Variants in EPPIN observed in about 807,000 individuals in gnomAD.
The protein encoded by EPPIN is WAP four-disulfide core domain protein 7.
Under a neutral mutation model 18.8 loss-of-function variants are expected in EPPIN, and 14 were observed. That is an observed-to-expected ratio of 0.75 (90% confidence interval 0.49 to 1.17). The LOEUF (loss-of-function observed/expected upper bound fraction) is 1.17, where lower values mean the gene tolerates loss of function less well. Among genes scored for constraint, EPPIN ranks in the 50% most tolerant of loss-of-function variants. EPPIN has a pLI of 0.00. For synonymous variants in EPPIN, 57 were observed against 54.8 expected (o/e 1.04, Z -0.18); for missense variants, 143 against 154.2 (o/e 0.93, Z 0.39).
At chr20:45,546,718 T>G (rs1472080513) in intron 1 of EPPIN, among the ~76,000 whole-genome samples, 2 of 152,220 alleles carry the variant, frequency 1.3e-5, no homozygotes, top group Non-Finnish European at 2.9e-5. Flanking sequence ...CAGAAATCCT[T>G]ACTTCCTGAG....
In EPPIN at chr20:45,542,843, G is replaced by T; in HGVS notation, c.248C>A (p.Thr83Asn). The change falls in exon 3 of 4, where the codon ACT (threonine) becomes AAT (asparagine). Residue 83 changes from threonine to asparagine, a missense_variant. Transcript: ENST00000354280. ...KQDVCEMPKE[T>N]GPCLAYFLHW... ...AAGAAAATAAGCCAGGCAGGGGCCA[G>T]TTTCTTTTGGCATTTCGCATACATC... 1.2e-6 allele frequency: 2 copies of T among 1,613,430 alleles called. No homozygotes were observed. Among genetic ancestry groups the T allele is most frequent in the South Asian group, 2.2e-5 (2 of 90,958 alleles).
At position 45,541,994 on chromosome 20, in the gene EPPIN, T is replaced by C; in HGVS notation, c.*150A>G. On this transcript the variant is annotated 3_prime_UTR_variant, in exon 4 of 4. Coordinates refer to ENST00000354280, the MANE Select transcript of EPPIN (RefSeq NM_020398.4). The stretch of plus-strand genomic sequence containing the variant: ...GAGCCAAAGATGGAGGAAGAGGAGG[T>C]AGATGCAAGCGTTCTGTTCTGGGAA... The C allele has an allele frequency of 1.3e-6, 1 of 798,536 alleles. No individual in the cohort carries two copies. Among genetic ancestry groups the C allele is most frequent in the Non-Finnish European group, 1.9e-6 (1 of 524,180 alleles). 49.5% of individuals were successfully genotyped at this position (798,536 alleles called of 1,614,324 possible). A position where few individuals can be genotyped will look rare whatever the true frequency, so the allele number is the denominator to read the frequency against.
rs1314862823 is a variant in EPPIN, at chr20:45,547,002, G to A, written c.91+265C>T. Among the ~76,000 whole-genome samples, 4 of 152,070 alleles carry A rather than the reference G, an allele frequency of 2.6e-5. No individual in the cohort carries two copies. The East Asian group carries it at 5.8e-4, about 22-fold the overall frequency. On this transcript the variant is annotated intron_variant, in intron 1 of 3. Transcript: ENST00000354280. ...GATTCCTGTAGCGACTCCCCTGAAA[G>A]CTAGATCCTGTGACTCTCCTCCACC...
At chr20:45,546,099 C>G in intron 1 of EPPIN, 1 of 408,014 alleles carries the variant, frequency 2.5e-6, no homozygotes, top group Non-Finnish European at 4.3e-6. Flanking sequence ...CATCCCAGGC[C>G]TCTTCCCATC....
rs778345231 is a variant in EPPIN, at chr20:45,542,825, T to C, written c.266A>G (p.Tyr89Cys). The change falls in exon 3 of 4, where the codon TAT becomes TGT. Residue 89 changes from tyrosine (Y) to cysteine (C), a missense_variant. Coordinates refer to ENST00000354280, the MANE Select transcript of EPPIN (RefSeq NM_020398.4). ...MPKETGPCLA[Y>C]FLHWWYDKKD... Reference sequence around the variant, plus strand: ...CTTGTCATACCACCAATGAAGAAAATAAGCCAGGCAGGGGCCAGTTTCTTT... The same window carrying C: ...CTTGTCATACCACCAATGAAGAAAACAAGCCAGGCAGGGGCCAGTTTCTTT... The C allele has an allele frequency of 3.1e-6, 5 of 1,613,672 alleles. No homozygotes were observed. The highest frequency in any genetic ancestry group is 1.7e-5 in the Admixed American group (1 of 59,962).
At chr20:45,543,427 T>C (rs964553048) in intron 2 of EPPIN, 2 of 152,358 alleles carry the variant, frequency 1.3e-5, no homozygotes, top group African/African-American at 4.8e-5. Context: ...TGCTTTGTTA[T>C]AGCAACTCTA....
intron 3 of EPPIN, 115 bp downstream of exon 3, chr20:45,542,585 T>C: frequency 6.8e-7 from 1 of 1,463,824 alleles, no homozygotes; most frequent in Non-Finnish European, 9.2e-7. Flanking sequence ...TCAGAGCTGG[T>C]TCTGTCAGCA....
chr20:45,541,293 A>G lies in EPPIN; in HGVS notation c.*851T>C, dbSNP rs1362967615. 1 of 152,172 alleles carries G rather than the reference A, an allele frequency of 6.6e-6. No homozygotes were observed. Among genetic ancestry groups the G allele is most frequent in the Non-Finnish European group, 1.5e-5 (1 of 68,048 alleles). 9.4% of individuals were successfully genotyped at this position (152,172 alleles called of 1,614,324 possible). On this transcript the variant is annotated 3_prime_UTR_variant, in exon 4 of 4. Transcript: ENST00000354280. ...ATAGCTAATGCATGCGGGGCTTAATACCCAGGTAATGGGTTGATAGGTGCA... is the reference window on the plus strand; with the variant it reads ...ATAGCTAATGCATGCGGGGCTTAATGCCCAGGTAATGGGTTGATAGGTGCA...
chr20:45,547,221 A>G, intron 1 of EPPIN, 46 bp downstream of exon 1: 1 of 1,612,400 alleles, frequency 6.2e-7, no homozygotes, highest in Non-Finnish European at 8.5e-7. Flanking sequence ...CCTTCCTCCC[A>G]GCAAACTCCC....
intron 1 of EPPIN, among the ~76,000 whole-genome samples, chr20:45,546,934 C>T (rs1311108779): frequency 1.3e-5 from 2 of 152,094 alleles, no homozygotes; most frequent in Non-Finnish European, 2.9e-5. Context: ...AGGAAGGGGC[C>T]TGTTTTGCTT....
chr20:45,541,120 G>A lies in EPPIN; in HGVS notation c.*1024C>T, dbSNP rs1490132308. ...GAAATGAGATCACGTCCTTTGCAGG[G>A]ACATGGATGAAGCTGGAAGCCGTTA... On this transcript the variant is annotated 3_prime_UTR_variant, in exon 4 of 4. Transcript: ENST00000354280. 1 of 152,184 alleles carries A rather than the reference G, an allele frequency of 6.6e-6. No homozygotes were observed. Among genetic ancestry groups the A allele is most frequent in the Non-Finnish European group, 1.5e-5 (1 of 68,036 alleles). 9.4% of individuals were successfully genotyped at this position (152,184 alleles called of 1,614,324 possible). A position where few individuals can be genotyped will look rare whatever the true frequency, so the allele number is the denominator to read the frequency against.
In EPPIN at chr20:45,542,089, A is replaced by G; in HGVS notation, c.*55T>C. 1 of 1,609,316 alleles carries G rather than the reference A, an allele frequency of 6.2e-7. No homozygotes were observed. Among genetic ancestry groups the G allele is most frequent in the Non-Finnish European group, 8.5e-7 (1 of 1,177,344 alleles). On this transcript the variant is annotated 3_prime_UTR_variant, in exon 4 of 4. Coordinates refer to ENST00000354280, the MANE Select transcript of EPPIN (RefSeq NM_020398.4). Reference sequence around the variant, plus strand: ...TGGAGCATCCGTCAGGTACAGGAACAGTACTCAGAGCATGAGCCACATTCT... The same window carrying G: ...TGGAGCATCCGTCAGGTACAGGAACGGTACTCAGAGCATGAGCCACATTCT...
At chr20:45,546,715 C>T (rs1363826383) in intron 1 of EPPIN, among the ~76,000 whole-genome samples, 2 of 152,186 alleles carry the variant, frequency 1.3e-5, no homozygotes, top group African/African-American at 4.8e-5. Flanking sequence ...TTTCAGAAAT[C>T]CTTACTTCCT....
intron 3 of EPPIN, chr20:45,542,356 G>T (rs749078009): frequency 4.2e-6 from 3 of 719,150 alleles, no homozygotes; most frequent in Non-Finnish European, 6.8e-6. Flanking sequence ...TGATGGCTTA[G>T]AAGGGTTGGT....
chr20:45,542,524 T>A, intron 3 of EPPIN, 176 bp downstream of exon 3: 1 of 940,146 alleles, frequency 1.1e-6, no homozygotes, highest in Non-Finnish European at 1.6e-6. Flanking sequence ...TTCCTCATAC[T>A]CAGAAAGTAA....
At chr20:45,544,602 A>G in intron 2 of EPPIN, 1 of 151,824 alleles carries the variant, frequency 6.6e-6, no homozygotes. Flanking sequence ...CCTATGTCCT[A>G]CTCTTTCTTT....
chr20:45,541,899 G>T lies in EPPIN; in HGVS notation c.*245C>A. The T allele has an allele frequency of 2.0e-6, 1 of 506,510 alleles. No homozygotes were observed. Among genetic ancestry groups the T allele is most frequent in the Non-Finnish European group, 3.5e-6 (1 of 285,100 alleles). The allele number at this position is 506,510 out of a possible 1,614,324, so 31.4% of individuals were successfully genotyped here. On this transcript the variant is annotated 3_prime_UTR_variant, in exon 4 of 4. Transcript: ENST00000354280. ...TGAGAGTGACACAGGTATAAACTGG[G>T]AGTTCTAGAAGTTGGAGATAAAGGG...
At chr20:45,542,251 C>CT (rs1197103484) in intron 3 of EPPIN, 97 bp from the exon 4 acceptor site, 11 of 1,527,858 alleles carry the variant, frequency 7.2e-6, no homozygotes, top group Non-Finnish European at 8.9e-6. Context: ...CAGAAAGACA[C>CT]TAAAAAGTAG....
At chr20:45,544,267 A>G (rs1979727109) in intron 2 of EPPIN, 1 of 152,210 alleles carries the variant, frequency 6.6e-6, no homozygotes, top group African/African-American at 2.4e-5. Flanking sequence ...GATCTCTGCT[A>G]TTTAGGAGCC....
Sources: allele counts gnomAD v4.1 joint callset (sites outside exome capture counted in the v4.1 genomes callset), GRCh38; gene constraint gnomAD v4.1.1; transcripts MANE v1.5; gene names NCBI Gene and HGNC (gene_info 2026-07-23, HGNC 2026-07-21).